The following DAAM2 variants were observed in gnomAD, a reference collection of about 807,000 sequenced individuals.
DAAM2 encodes disheveled-associated activator of morphogenesis 2.
A neutral mutation model predicts 120.7 loss-of-function variants in DAAM2; 39 were observed. That is an observed-to-expected ratio of 0.32 (90% CI 0.25 to 0.42). The LOEUF is 0.42. DAAM2 is among the 10% of genes least tolerant of loss of function. The pLI, the probability that DAAM2 is intolerant of heterozygous loss-of-function variation, is 1.00. For synonymous variants in DAAM2, 488 were observed against 524.9 expected, an observed-to-expected ratio of 0.93 and a Z score of 0.96; for missense variants, 1,283 against 1,401.7, an observed-to-expected ratio of 0.92 and a Z score of 1.35.
intron 16 of DAAM2, chr6:39,888,124 G>C (rs1273024395): frequency 6.2e-6 from 1 of 160,422 alleles, no homozygotes; most frequent in Non-Finnish European, 1.4e-5. Context: ...GTTCCTAATG[G>C]GGGTGCATGT....
intron 1 of DAAM2, among the ~76,000 whole-genome samples, chr6:39,852,598 G>A (rs1211882273): frequency 2.0e-5 from 3 of 152,212 alleles, no homozygotes; most frequent in Non-Finnish European, 2.9e-5. Flanking sequence ...CTGCAGGGTG[G>A]CGCTTCCTCT....
intron 1 of DAAM2, chr6:39,792,915 C>G (rs1191093552): frequency 6.6e-6 from 1 of 152,174 alleles, no homozygotes; most frequent in Non-Finnish European, 1.5e-5. Context: ...TCACAAGCCC[C>G]CAGCTCCCAC....
intron 1 of DAAM2, among the ~76,000 whole-genome samples, chr6:39,826,695 G>GA (rs1762686885): frequency 6.6e-6 from 1 of 151,980 alleles, no homozygotes; most frequent in South Asian, 2.1e-4. Flanking sequence ...CAAAAATTAA[G>GA]AAAAATGTAC....
chr6:39,889,953 C>A (rs1765604205), intron 17 of DAAM2, among the ~76,000 whole-genome samples: 1 of 151,974 alleles, frequency 6.6e-6, no homozygotes, highest in South Asian at 2.1e-4. Flanking sequence ...TATGGTGAGA[C>A]CCCATCTTTA....
Position 39,867,712 on chromosome 6 carries a change from G to A in DAAM2, c.631G>A (p.Glu211Lys). Reference protein sequence around the residue: ...ISTIAQSLRTENSKTKVAVLE... With the variant: ...ISTIAQSLRTKNSKTKVAVLE... Reference sequence around the variant, plus strand: ...TACCATAGCCCAGAGCCTACGCACAGAGAACAGCAAGACCAAGGTGGCTGT... The same window carrying A: ...TACCATAGCCCAGAGCCTACGCACAAAGAACAGCAAGACCAAGGTGGCTGT... The change falls in exon 6 of 25, where the codon GAG becomes AAG. Residue 211 changes from glutamate (E) to lysine (K), a missense_variant. This residue lies in a region of DAAM2 where 338 missense variants were observed against 443.9 expected (regional missense o/e 0.76). Transcript: ENST00000274867. 1 of 1,614,048 alleles carries A rather than the reference G, an allele frequency of 6.2e-7. No homozygotes were observed. Among genetic ancestry groups the A allele is most frequent in the Non-Finnish European group, 8.5e-7 (1 of 1,179,900 alleles).
intron 1 of DAAM2, among the ~76,000 whole-genome samples, chr6:39,844,398 C>T (rs909422080): frequency 2.0e-5 from 3 of 151,954 alleles, no homozygotes; most frequent in African/African-American, 7.3e-5. Context: ...ACACACCCCA[C>T]CCAGAGCTAA....
At chr6:39,871,759 T>C (rs1764673449) in intron 9 of DAAM2, among the ~76,000 whole-genome samples, 187 bp downstream of exon 9, 1 of 152,038 alleles carries the variant, frequency 6.6e-6, no homozygotes, top group Admixed American at 6.6e-5. Context: ...AGGATACATA[T>C]ATAGAGATAG....
chr6:39,886,635 A>C, intron 15 of DAAM2: 1 of 395,508 alleles, frequency 2.5e-6, no homozygotes, highest in Non-Finnish European at 4.5e-6. Flanking sequence ...GTAATCAAAT[A>C]GACCCCTGGC....
intron 15 of DAAM2, 180 bp from the exon 16 acceptor site, chr6:39,887,306 C>T: frequency 1.8e-6 from 1 of 554,498 alleles, no homozygotes; most frequent in Non-Finnish European, 3.2e-6. Flanking sequence ...TGGAAAAGTC[C>T]CAGATACCGT....
chr6:39,818,227 TG>T (rs1164564514), intron 1 of DAAM2, among the ~76,000 whole-genome samples: 1 of 149,420 alleles, frequency 6.7e-6, no homozygotes, highest in Admixed American at 6.7e-5. Flanking sequence ...ACCTTTATAC[TG>T]GTATTTGACC....
chr6:39,887,173 C>T (rs1765425033), intron 15 of DAAM2: 1 of 283,522 alleles, frequency 3.5e-6, no homozygotes, highest in Admixed American at 4.9e-5. Flanking sequence ...CATACCCTGA[C>T]CCACTGGCAC....
chr6:39,867,766 G>C lies in DAAM2; in HGVS notation c.685G>C (p.Val229Leu). 1 of 1,613,682 alleles carries C rather than the reference G, an allele frequency of 6.2e-7. No individual in the cohort carries two copies. Among genetic ancestry groups the C allele is most frequent in the Non-Finnish European group, 8.5e-7 (1 of 1,179,854 alleles). Residue 229 changes from valine (V) to leucine (L), a missense_variant, in exon 6 of 25, where the codon GTG (valine) becomes CTG (leucine). Val to Leu is a conservative substitution (Grantham distance 32, BLOSUM62 1). Coordinates refer to ENST00000274867, the MANE Select transcript of DAAM2 (RefSeq NM_001201427.2). Reference sequence around the variant, plus strand: ...GGAGATCCTGGGTGCTGTGTGCCTCGTGCCTGGTGGCCACAAGAAGGTGCT... The same window carrying C: ...GGAGATCCTGGGTGCTGTGTGCCTCCTGCCTGGTGGCCACAAGAAGGTGCT... ...VLEILGAVCL[V>L]PGGHKKVLQA...
rs754638762 is a variant in DAAM2 at position 39,856,287 on chromosome 6, CT to C, written c.-15del. On this transcript the variant is annotated 5_prime_UTR_variant, in exon 2 of 25. Coordinates refer to ENST00000274867, the MANE Select transcript of DAAM2 (RefSeq NM_001201427.2). The stretch of plus-strand genomic sequence containing the variant: ...TAGGGCATCTGTCTGCTGACGCCCC[CT>C]GGCCTGCAGTGACCATGGCCCCCCG... The C allele has an allele frequency of 5.4e-5, 80 of 1,488,582 alleles. No homozygotes were observed. Among genetic ancestry groups the C allele is most frequent in the Admixed American group, 4.7e-5 (2 of 42,292 alleles). 92.2% of individuals were successfully genotyped at this position (1,488,582 alleles called of 1,614,324 possible).
Position 39,887,559 on chromosome 6 carries a change from G to A in DAAM2, c.2027G>A (p.Arg676Gln), listed in dbSNP as rs567804980. 1.9e-5 allele frequency: 30 copies of A among 1,613,662 alleles called. No individual in the cohort carries two copies. Among genetic ancestry groups the A allele is most frequent in the Admixed American group, 1.3e-4 (8 of 60,016 alleles). The change falls in exon 16 of 25, where the codon CGG becomes CAG. Residue 676 changes from arginine (R) to glutamine (Q), a missense_variant. By Grantham distance (43) the Arg-to-Gln change is conservative (BLOSUM62 1). Coordinates refer to ENST00000274867, the MANE Select transcript of DAAM2 (RefSeq NM_001201427.2). ...AAAGAGCTGTCGGTCATTGATGGCC[G>A]GAGGGCCCAAAACTGCATCATCCTT... ...KVKELSVIDG[R>Q]RAQNCIILLS... is the part of the protein sequence containing the mutation.
chr6:39,838,034 G>A (rs1582649373), intron 1 of DAAM2, among the ~76,000 whole-genome samples: 2 of 152,190 alleles, frequency 1.3e-5, no homozygotes, highest in East Asian at 3.8e-4. Flanking sequence ...CTTCACTCAA[G>A]TCAGTCCACA....
chr6:39,823,219 T>C (rs1204214641), intron 1 of DAAM2: 1 of 152,124 alleles, frequency 6.6e-6, no homozygotes, highest in Non-Finnish European at 1.5e-5. Flanking sequence ...GGCCCAAAGA[T>C]TAAGAAAGGC....
chr6:39,875,644 T>A (rs1180043784), intron 11 of DAAM2, among the ~76,000 whole-genome samples, 176 bp downstream of exon 11: 1 of 152,236 alleles, frequency 6.6e-6, no homozygotes, highest in Non-Finnish European at 1.5e-5. Flanking sequence ...ATTTCTCTAC[T>A]GTTCAACATG....
At chr6:39,821,925 C>A (rs1051419289) in intron 1 of DAAM2, 2 of 152,330 alleles carry the variant, frequency 1.3e-5, no homozygotes, top group Admixed American at 6.5e-5. Flanking sequence ...GGTCAGGGGA[C>A]AGACCAGGCC....
chr6:39,833,373 C>T (rs1001818316), intron 1 of DAAM2, among the ~76,000 whole-genome samples: 1 of 152,076 alleles, frequency 6.6e-6, no homozygotes, highest in Non-Finnish European at 1.5e-5. Flanking sequence ...GGTGTGATCT[C>T]AGCTCACTGC....
Sources: gnomAD v4.1 joint callset for allele counts (sites outside exome capture counted in the v4.1 genomes callset) on GRCh38, gnomAD v4.1.1 for gene constraint, gnomAD v4.1.1 regional missense constraint, MANE v1.5 for transcripts, NCBI Gene and HGNC (gene_info 2026-07-23, HGNC 2026-07-21) for gene names.